The following B3GALT5 variants were observed in gnomAD, a reference collection of about 807,000 sequenced individuals.
The protein encoded by B3GALT5 is beta-1,3-galactosyltransferase 5, also known as UDP-Gal:betaGlcNAc beta 1,3-galactosyltransferase, polypeptide 5.
For missense variants in B3GALT5, 328 were observed against 396.6 expected (o/e 0.83, Z 1.47); for synonymous variants, 156 against 158.6 (o/e 0.98, Z 0.12).
chr21:39,640,003 G>A (rs1360833690), intron 1 of B3GALT5, among the ~76,000 whole-genome samples: 2 of 151,244 alleles, frequency 1.3e-5, no homozygotes, highest in African/African-American at 4.9e-5. Context: ...GTACCTGGAG[G>A]GCTCATTAGC....
Position 39,663,169 on chromosome 21 carries a change from A to C in B3GALT5, c.*1677A>C, listed in dbSNP as rs1239930189. On this transcript the variant is annotated 3_prime_UTR_variant, in exon 4 of 4. Coordinates refer to ENST00000684187, the MANE Select transcript of B3GALT5 (RefSeq NM_001356336.2). ...ATAGGATGGGCCGCCTCTCATTCTG[A>C]AGATGACTGTGCTTTGAGGGAGAAG... The C allele has an allele frequency of 6.6e-6, 1 of 152,360 alleles. No individual in the cohort carries two copies. The highest frequency in any genetic ancestry group is 6.5e-5 in the Admixed American group (1 of 15,278). The allele number at this position is 152,360 out of a possible 1,614,324, so 9.4% of individuals were successfully genotyped here.
At chr21:39,618,031 T>C (rs1443264221) in intron 1 of B3GALT5, among the ~76,000 whole-genome samples, 3 of 152,106 alleles carry the variant, frequency 2.0e-5, no homozygotes, top group Non-Finnish European at 4.4e-5. Flanking sequence ...GGCATGCACC[T>C]GTAGTCCTAG....
chr21:39,634,257 G>T (rs1338423913), intron 1 of B3GALT5, among the ~76,000 whole-genome samples: 1 of 152,192 alleles, frequency 6.6e-6, no homozygotes, highest in African/African-American at 2.4e-5. Flanking sequence ...GGTCAGAAAT[G>T]GAGGATGGTG....
chr21:39,638,999 A>G (rs1175156666), intron 1 of B3GALT5, among the ~76,000 whole-genome samples: 1 of 152,198 alleles, frequency 6.6e-6, no homozygotes, highest in African/African-American at 2.4e-5. Flanking sequence ...CAGCTCTTCA[A>G]TCTTAACAGT....
chr21:39,615,357 T>A (rs965924039), intron 1 of B3GALT5, among the ~76,000 whole-genome samples: 1 of 152,234 alleles, frequency 6.6e-6, no homozygotes, highest in African/African-American at 2.4e-5. Flanking sequence ...ATAGAGATTT[T>A]GAGAACTAAC....
intron 2 of B3GALT5, among the ~76,000 whole-genome samples, chr21:39,650,586 C>G (rs2079385235): frequency 6.6e-6 from 1 of 152,134 alleles, no homozygotes; most frequent in Non-Finnish European, 1.5e-5. Context: ...TCCCTTTCAA[C>G]CAAGGGGACG....
At chr21:39,638,609 G>A (rs1204069901) in intron 1 of B3GALT5, among the ~76,000 whole-genome samples, 1 of 152,094 alleles carries the variant, frequency 6.6e-6, no homozygotes, top group Non-Finnish European at 1.5e-5. Context: ...CAAGAACCCC[G>A]GGATACAGAA....
intron 2 of B3GALT5, chr21:39,657,775 A>G: frequency 2.0e-6 from 2 of 1,001,130 alleles, no homozygotes; most frequent in Non-Finnish European, 2.6e-6. Context: ...TGTTGATTCG[A>G]TCTCTCTAGA....
At chr21:39,649,672 C>A (rs1444096273) in intron 2 of B3GALT5, among the ~76,000 whole-genome samples, 1 of 152,060 alleles carries the variant, frequency 6.6e-6, no homozygotes, top group Non-Finnish European at 1.5e-5. Flanking sequence ...GAGGGGGATT[C>A]TGGCTAAACC....
chr21:39,670,930 G>C lies in B3GALT5; in HGVS notation c.*9438G>C, dbSNP rs919335397. 1.3e-5 allele frequency: 2 copies of C among 152,218 alleles called. No homozygotes were observed. Among genetic ancestry groups the C allele is most frequent in the Non-Finnish European group, 2.9e-5 (2 of 68,044 alleles). 9.4% of individuals were successfully genotyped at this position (152,218 alleles called of 1,614,324 possible). On this transcript the variant is annotated 3_prime_UTR_variant, in exon 4 of 4. Coordinates refer to ENST00000684187, the MANE Select transcript of B3GALT5 (RefSeq NM_001356336.2). ...GTGTCTTAGTTTGTTTTGTGTTGCT[G>C]TAACAGAATACCACAGACTGGGCGA... is the stretch of plus-strand genomic sequence containing the variant.
In B3GALT5 at chr21:39,668,287, T is replaced by G. The variant is rs1794777325; in HGVS notation, c.*6795T>G. On this transcript the variant is annotated 3_prime_UTR_variant, in exon 4 of 4. Transcript: ENST00000684187. Reference sequence around the variant, plus strand: ...CAGGATCTAGGCTTATCCTAGTAGATCTTGGTACCAGGCCAGCCTCTGTGA... The same window carrying G: ...CAGGATCTAGGCTTATCCTAGTAGAGCTTGGTACCAGGCCAGCCTCTGTGA... 1 of 152,174 alleles carries G rather than the reference T, an allele frequency of 6.6e-6. No homozygotes were observed. 9.4% of individuals were successfully genotyped at this position (152,174 alleles called of 1,614,324 possible).
intron 2 of B3GALT5, among the ~76,000 whole-genome samples, chr21:39,652,802 C>T (rs941689099): frequency 1.3e-5 from 2 of 152,182 alleles, no homozygotes; most frequent in African/African-American, 4.8e-5. Context: ...AAGCAAACTC[C>T]AGACTTTATT....
intron 1 of B3GALT5, among the ~76,000 whole-genome samples, chr21:39,618,892 T>C (rs2079120725): frequency 6.6e-6 from 1 of 152,234 alleles, no homozygotes; most frequent in African/African-American, 2.4e-5. Flanking sequence ...TCATATACTG[T>C]ATTTCTTGCT....
At chr21:39,632,968 G>T (rs1299779144) in intron 1 of B3GALT5, among the ~76,000 whole-genome samples, 1 of 152,176 alleles carries the variant, frequency 6.6e-6, no homozygotes. Context: ...GGTAGGTCCT[G>T]GGGTTCCTGT....
At chr21:39,629,536 A>G (rs1195966742) in intron 1 of B3GALT5, among the ~76,000 whole-genome samples, 2 of 152,264 alleles carry the variant, frequency 1.3e-5, no homozygotes, top group Middle Eastern at 3.4e-3. Flanking sequence ...AAAACTTTTT[A>G]TAACTTTCTG....
chr21:39,621,466 C>A (rs2079133757), intron 1 of B3GALT5, among the ~76,000 whole-genome samples: 1 of 151,150 alleles, frequency 6.6e-6, no homozygotes, highest in African/African-American at 2.4e-5. Flanking sequence ...AAATGGCTTG[C>A]ACAAAAAGGT....
At chr21:39,638,935 C>T (rs1013912875) in intron 1 of B3GALT5, among the ~76,000 whole-genome samples, 30 of 152,110 alleles carry the variant, frequency 2.0e-4, no homozygotes, top group African/African-American at 6.8e-4. Flanking sequence ...ATTGTGTTTG[C>T]GAGAAGTGAG....
chr21:39,638,783 C>A (rs758459600), intron 1 of B3GALT5, among the ~76,000 whole-genome samples: 3 of 152,110 alleles, frequency 2.0e-5, no homozygotes, highest in African/African-American at 7.2e-5. Flanking sequence ...ACAGCCTGCC[C>A]GTCTTTATGC....
Position 39,635,258 on chromosome 21 carries a change from A to AT in B3GALT5, c.-391-11129dup, listed in dbSNP as rs553217806. 3.8e-4 allele frequency among the ~76,000 whole-genome samples: 58 copies of AT among 152,142 alleles called. No homozygotes were observed. The Middle Eastern group carries it at 0.01, about 27-fold the overall frequency. The stretch of plus-strand genomic sequence containing the variant: ...TAGCTGTGTGTGGTGAAATCCGTGG[A>AT]TTTTTCCCACAGCTAGAGGAAATAG... On this transcript the variant is annotated intron_variant, in intron 1 of 3. Transcript: ENST00000684187.
Sources: allele counts gnomAD v4.1 joint callset (sites outside exome capture counted in the v4.1 genomes callset), GRCh38; gene constraint gnomAD v4.1.1; transcripts MANE v1.5; gene names NCBI Gene and HGNC (gene_info 2026-07-23, HGNC 2026-07-21).